CNTNAP2: variants seen among roughly 807,000 people sequenced by gnomAD.
CNTNAP2 encodes the protein contactin associated protein 2, also known as contactin-associated protein-like 2.
A neutral mutation model predicts 155.2 loss-of-function variants in CNTNAP2; 98 were observed. The observed-to-expected ratio is 0.63, with a 90% CI of 0.54 to 0.75. The LOEUF is 0.75. CNTNAP2 is among the 30% of genes least tolerant of loss of function. The pLI, the probability that CNTNAP2 is intolerant of heterozygous loss-of-function variation, is 0.00. For missense variants in CNTNAP2, 1,727 were observed against 1,688.1 expected (o/e 1.02, Z -0.40); for synonymous variants, 651 against 631.2 (o/e 1.03, Z -0.47).
intron 1 of CNTNAP2, among the ~76,000 whole-genome samples, chr7:146,558,396 TCTGGCATG>T (rs1798228339): frequency 6.6e-6 from 1 of 152,154 alleles, no homozygotes; most frequent in African/African-American, 2.4e-5. Flanking sequence ...AAGAACGACA[TCTGGCATG>T]TACTTTTTTT....
chr7:147,943,677 G>T (rs1334414031), intron 14 of CNTNAP2, among the ~76,000 whole-genome samples: 1 of 143,728 alleles, frequency 7.0e-6, no homozygotes, highest in Non-Finnish European at 1.5e-5. Flanking sequence ...GCTGAGCCAG[G>T]AGAATCGCCC....
intron 4 of CNTNAP2, among the ~76,000 whole-genome samples, chr7:147,089,839 C>T (rs902530873): frequency 6.6e-6 from 1 of 152,102 alleles, no homozygotes; most frequent in African/African-American, 2.4e-5. Flanking sequence ...TGAAGGTGTT[C>T]ATATAAGCAC....
chr7:146,776,325 C>T (rs891944594), intron 2 of CNTNAP2, among the ~76,000 whole-genome samples: 13 of 152,098 alleles, frequency 8.5e-5, no homozygotes, highest in Non-Finnish European at 1.6e-4. Flanking sequence ...AGTGAAAATA[C>T]GACTGAAGAA....
chr7:147,489,165 A>G (rs1016153703), intron 11 of CNTNAP2, among the ~76,000 whole-genome samples: 4 of 152,236 alleles, frequency 2.6e-5, no homozygotes, highest in African/African-American at 9.6e-5. Context: ...TCCTAAACCT[A>G]TGTCTCCTGT....
At chr7:147,246,111 A>ATATATATATATACACG (rs1584816974) in intron 8 of CNTNAP2, among the ~76,000 whole-genome samples, 1 of 98,218 alleles carries the variant, frequency 1.0e-5, no homozygotes, top group East Asian at 2.1e-3. Flanking sequence ...ATATATACAC[A>ATATATATATATACACG]CATATATATG....
chr7:146,971,269 G>T (rs528206305), intron 3 of CNTNAP2, among the ~76,000 whole-genome samples: 1 of 151,876 alleles, frequency 6.6e-6, no homozygotes, highest in Non-Finnish European at 1.5e-5. Context: ...TACAAAGAGA[G>T]AACTCTTAAT....
intron 13 of CNTNAP2, among the ~76,000 whole-genome samples, chr7:147,770,823 C>G (rs1368484710): frequency 6.6e-6 from 1 of 152,144 alleles, no homozygotes; most frequent in Non-Finnish European, 1.5e-5. Context: ...TAAATTCTAA[C>G]AGGCTTTTCT....
chr7:146,117,268 T>C (rs1479573248), intron 1 of CNTNAP2: 1 of 406,322 alleles, frequency 2.5e-6, no homozygotes, highest in Non-Finnish European at 4.5e-6. Context: ...TTCTTAGGAG[T>C]TGTTTGTGCA....
chr7:148,086,052 C>A (rs1172042562), intron 15 of CNTNAP2, among the ~76,000 whole-genome samples: 3 of 152,110 alleles, frequency 2.0e-5, no homozygotes, highest in African/African-American at 7.2e-5. Context: ...GTCTTATTTT[C>A]TTATGAAACA....
At chr7:148,364,942 C>T (rs1316956560) in intron 21 of CNTNAP2, among the ~76,000 whole-genome samples, 1 of 152,210 alleles carries the variant, frequency 6.6e-6, no homozygotes, top group Non-Finnish European at 1.5e-5. Context: ...CAGCTTCACT[C>T]CTCAGCCAGC....
intron 1 of CNTNAP2, among the ~76,000 whole-genome samples, chr7:146,534,461 T>C (rs1283479401): frequency 6.6e-6 from 1 of 152,066 alleles, no homozygotes; most frequent in African/African-American, 2.4e-5. Flanking sequence ...CAATTGCAAA[T>C]GTACGGTGTA....
At chr7:147,362,886 T>A (rs1056307712) in intron 9 of CNTNAP2, among the ~76,000 whole-genome samples, 1 of 151,934 alleles carries the variant, frequency 6.6e-6, no homozygotes, top group African/African-American at 2.4e-5. Flanking sequence ...CAGAAGTTAA[T>A]AAAAAAAATT....
At chr7:147,900,818 T>C (rs912929245) in intron 13 of CNTNAP2, among the ~76,000 whole-genome samples, 2 of 152,186 alleles carry the variant, frequency 1.3e-5, no homozygotes, top group African/African-American at 2.4e-5. Flanking sequence ...TGTTGTAATC[T>C]AAAAGATTCC....
In CNTNAP2 at chr7:146,588,967, A is replaced by T. The variant is rs115015471; in HGVS notation, c.98-185304A>T. Among the ~76,000 whole-genome samples, 733 of 152,324 alleles carry T rather than the reference A, an allele frequency of 4.8e-3. 5 individuals are homozygous for T. Among genetic ancestry groups the T allele is most frequent in the African/African-American group, 0.016 (677 of 41,586 alleles). On this transcript the variant is annotated intron_variant, in intron 1 of 23. Transcript: ENST00000361727. ...TGCTTTACATTTCAGTTATAAAAAA[A>T]AAGTTAAAATTTCATGTCACTATAA...
At chr7:147,072,319 T>A (rs1490023045) in intron 4 of CNTNAP2, among the ~76,000 whole-genome samples, 2 of 152,120 alleles carry the variant, frequency 1.3e-5, no homozygotes, top group African/African-American at 4.8e-5. Context: ...GCAATGTTCC[T>A]GATTTCTGGT....
At chr7:148,318,994 A>G (rs998819289) in intron 21 of CNTNAP2, among the ~76,000 whole-genome samples, 2 of 152,230 alleles carry the variant, frequency 1.3e-5, no homozygotes, top group Non-Finnish European at 2.9e-5. Context: ...TCTTCTCCTG[A>G]AAGTTTAACA....
chr7:146,230,064 C>T lies in CNTNAP2; in HGVS notation c.97+113091C>T, dbSNP rs542137381. Among the ~76,000 whole-genome samples the T allele has an allele frequency of 9.2e-5, 14 of 152,196 alleles. No homozygotes were observed. The South Asian group carries it at 2.7e-3, about 29-fold the overall frequency. ...ATTGAAAAGAAGAAATTCAATGAAC[C>T]TTCCTTAAAACATATGAAACATTCT... On this transcript the variant is annotated intron_variant, in intron 1 of 23. Coordinates refer to ENST00000361727, the MANE Select transcript of CNTNAP2 (RefSeq NM_014141.6).
At chr7:146,381,423 A>T (rs927724814) in intron 1 of CNTNAP2, among the ~76,000 whole-genome samples, 2 of 152,180 alleles carry the variant, frequency 1.3e-5, no homozygotes, top group African/African-American at 2.4e-5. Flanking sequence ...TAACTTTAGA[A>T]TTCTGTCTCC....
chr7:148,208,140 C>A (rs1272998705), intron 18 of CNTNAP2, among the ~76,000 whole-genome samples: 1 of 151,244 alleles, frequency 6.6e-6, no homozygotes, highest in African/African-American at 2.4e-5. Flanking sequence ...AACCCAAGTG[C>A]CTGAACCAGA....
Sources: gnomAD v4.1 joint callset for allele counts (sites outside exome capture counted in the v4.1 genomes callset) on GRCh38, gnomAD v4.1.1 for gene constraint, MANE v1.5 for transcripts, NCBI Gene and HGNC (gene_info 2026-07-23, HGNC 2026-07-21) for gene names.